The following BAALC variants were observed in gnomAD, a reference collection of about 807,000 sequenced individuals.
BAALC encodes the protein brain and acute leukemia cytoplasmic protein.
In BAALC, 9 loss-of-function variants were observed where a neutral mutation model predicts 15.5. The ratio of observed to expected loss-of-function variants is 0.58; its 90% CI spans 0.35 to 1.02. The LOEUF is 1.02. BAALC is among the 50% of genes least tolerant of loss of function. The pLI is 0.02. For synonymous variants in BAALC, 80 were observed against 74.6 expected, an observed-to-expected ratio of 1.07 and a Z score of -0.37; for missense variants, 201 against 192.4, an observed-to-expected ratio of 1.04 and a Z score of -0.27.
intron 1 of BAALC, among the ~76,000 whole-genome samples, chr8:103,171,014 C>A (rs984518533): frequency 6.6e-6 from 1 of 152,096 alleles, no homozygotes; most frequent in Admixed American, 6.6e-5. Flanking sequence ...ATCTGGCTAA[C>A]TTTTAAAATG....
chr8:103,176,362 C>A (rs72673306), intron 1 of BAALC, among the ~76,000 whole-genome samples: 27,282 of 151,768 alleles, frequency 0.18, 2,999 homozygotes, highest in East Asian at 0.4. Flanking sequence ...GACAAAAAAA[C>A]CCAAAAATTC....
Position 103,228,080 on chromosome 8 carries a change from C to CAAAG in BAALC, c.422_425dup (p.Asn142LysfsTer41). The CAAAG allele has an allele frequency of 6.2e-7, 1 of 1,611,808 alleles. No homozygotes were observed. Among genetic ancestry groups the CAAAG allele is most frequent in the African/African-American group, 1.3e-5 (1 of 74,930 alleles). ...CAGATGGACAGAAGTCGAAGAATCACAAAGAACTGTGTCAACTAGCAGAGA... is the reference window on the plus strand; with the variant it reads ...CAGATGGACAGAAGTCGAAGAATCACAAAGAAAGAACTGTGTCAACTAGCAGAGA... On this transcript the variant is annotated frameshift_variant, in exon 3 of 3. Coordinates refer to ENST00000309982, the MANE Select transcript of BAALC (RefSeq NM_024812.3). LOFTEE classifies it high-confidence loss of function.
intron 1 of BAALC, among the ~76,000 whole-genome samples, chr8:103,188,989 A>G (rs1006751740): frequency 7.2e-5 from 11 of 152,242 alleles, no homozygotes; most frequent in Non-Finnish European, 1.6e-4. Context: ...GACATATGCA[A>G]TACTATTTTT....
chr8:103,210,967 T>C (rs1169097560), intron 1 of BAALC, among the ~76,000 whole-genome samples: 1 of 152,130 alleles, frequency 6.6e-6, no homozygotes, highest in African/African-American at 2.4e-5. Flanking sequence ...AGTCTTCTTA[T>C]GAAACAATGT....
chr8:103,164,408 C>T (rs72671385), intron 1 of BAALC, among the ~76,000 whole-genome samples: 13,203 of 152,216 alleles, frequency 0.087, 757 homozygotes, highest in Middle Eastern at 0.13. Flanking sequence ...GCACTGGAAC[C>T]TCTAAACCTC....
chr8:103,203,523 A>G (rs917092505), intron 1 of BAALC, among the ~76,000 whole-genome samples: 1 of 152,166 alleles, frequency 6.6e-6, no homozygotes, highest in Non-Finnish European at 1.5e-5. Context: ...CACCCCCACA[A>G]TCAATTTTAG....
intron 1 of BAALC, among the ~76,000 whole-genome samples, chr8:103,182,459 CATCTGACAATCAATG>C (rs1484026454): frequency 6.6e-6 from 1 of 152,172 alleles, no homozygotes; most frequent in Non-Finnish European, 1.5e-5. Flanking sequence ...ACAAATTTTC[CATCTGACAATCAATG>C]ATCTCTAGTA....
Position 103,140,992 on chromosome 8 carries a change from A to C in BAALC, c.95A>C (p.Asp32Ala). Residue 32 changes from aspartate (D) to alanine (A), a missense_variant, in exon 1 of 3, where the codon GAC (aspartate) becomes GCC (alanine). By Grantham distance (126) the Asp-to-Ala change is moderately radical. Coordinates refer to ENST00000309982, the MANE Select transcript of BAALC (RefSeq NM_024812.3). This position sits in a 1 kb window ranked among gnomAD's most constrained non-coding sequence, Gnocchi z 4.2. The stretch of plus-strand genomic sequence containing the variant: ...GAATCCACCTGGCTCACCTACACCG[A>C]CTCGGACGCGCCGCCCAGCGCCGCC... ...ETESTWLTYT[D>A]SDAPPSAAAP... 6.5e-7 allele frequency: 1 copy of C among 1,531,458 alleles called. No individual in the cohort carries two copies. The highest frequency in any genetic ancestry group is 8.8e-7 in the Non-Finnish European group (1 of 1,140,176). The allele number at this position is 1,531,458 out of a possible 1,614,324, so 94.9% of individuals were successfully genotyped here. A position where few individuals can be genotyped will look rare whatever the true frequency, so the allele number is the denominator to read the frequency against.
At chr8:103,188,361 G>T (rs1195676537) in intron 1 of BAALC, among the ~76,000 whole-genome samples, 1 of 152,146 alleles carries the variant, frequency 6.6e-6, no homozygotes, top group Non-Finnish European at 1.5e-5. Flanking sequence ...AGTGTGACTG[G>T]CTTTGCCCTT....
intron 1 of BAALC, among the ~76,000 whole-genome samples, chr8:103,143,212 A>C (rs1305958004): frequency 1.3e-5 from 2 of 151,856 alleles, no homozygotes; most frequent in African/African-American, 4.8e-5. Flanking sequence ...AAAGCTACAG[A>C]TCTCCTGGGT....
chr8:103,141,381 G>T, intron 1 of BAALC: 1 of 280,150 alleles, frequency 3.6e-6, no homozygotes. Flanking sequence ...ATATCCCTCA[G>T]CCACCCACCC....
chr8:103,181,567 C>A (rs766591054), intron 1 of BAALC, among the ~76,000 whole-genome samples: 1 of 152,128 alleles, frequency 6.6e-6, no homozygotes, highest in Non-Finnish European at 1.5e-5. Context: ...CCACCTCGCC[C>A]GGCCAGGAAT....
intron 1 of BAALC, chr8:103,165,786 T>C (rs1399506869): frequency 6.6e-6 from 1 of 152,234 alleles, no homozygotes; most frequent in Non-Finnish European, 1.5e-5. Context: ...AGATTACCCC[T>C]GCTTGGCAGA....
chr8:103,145,793 C>T (rs768980759), intron 1 of BAALC, among the ~76,000 whole-genome samples: 5 of 152,148 alleles, frequency 3.3e-5, no homozygotes, highest in Non-Finnish European at 4.4e-5. Context: ...GCTCAATAAA[C>T]GTTTGTTGAA....
chr8:103,147,200 T>C (rs1194080759), intron 1 of BAALC, among the ~76,000 whole-genome samples: 1 of 152,206 alleles, frequency 6.6e-6, no homozygotes, highest in East Asian at 1.9e-4. Flanking sequence ...CTTGTCTTCA[T>C]TGGACATTAG....
intron 1 of BAALC, chr8:103,153,153 C>G (rs962439166): frequency 1.3e-5 from 2 of 152,200 alleles, no homozygotes; most frequent in Admixed American, 6.5e-5. Context: ...AGGGAACTTT[C>G]AAGCTACCCT....
chr8:103,179,823 G>A (rs1417725139), intron 1 of BAALC, among the ~76,000 whole-genome samples: 2 of 152,238 alleles, frequency 1.3e-5, no homozygotes, highest in Non-Finnish European at 2.9e-5. Context: ...ATTACTGTGG[G>A]AGGGATATTC....
intron 1 of BAALC, among the ~76,000 whole-genome samples, chr8:103,157,977 C>T (rs1003298220): frequency 6.6e-6 from 1 of 152,080 alleles, no homozygotes; most frequent in South Asian, 2.1e-4. Flanking sequence ...ATTCTTAATT[C>T]TCTAATGTAA....
intron 1 of BAALC, among the ~76,000 whole-genome samples, chr8:103,180,670 A>G (rs140407626): frequency 6.6e-6 from 1 of 152,222 alleles, no homozygotes; most frequent in Admixed American, 6.5e-5. Context: ...GGCCAGAGCA[A>G]GATGCAAAGT....
Sources: gnomAD v4.1 joint callset for allele counts (sites outside exome capture counted in the v4.1 genomes callset) on GRCh38, gnomAD v4.1.1 for gene constraint, Gnocchi (gnomAD v3.1) non-coding constraint, MANE v1.5 for transcripts, NCBI Gene and HGNC (gene_info 2026-07-23, HGNC 2026-07-21) for gene names.